Variants in KMT2C observed in about 807,000 individuals in gnomAD.
KMT2C encodes the protein lysine methyltransferase 2C.
A neutral mutation model predicts 507.9 loss-of-function variants in KMT2C; 88 were observed. The observed-to-expected ratio is 0.17, with a 90% CI of 0.15 to 0.21. The LOEUF (loss-of-function observed/expected upper bound fraction) is 0.21, where lower values mean the gene tolerates loss of function less well. Among genes scored for constraint, KMT2C ranks in the 10% least tolerant of loss-of-function variants. The pLI, the probability that KMT2C is intolerant of heterozygous loss-of-function variation, is 1.00. For missense variants in KMT2C, 4,954 were observed against 5,957.8 expected, an observed-to-expected ratio of 0.83 and a Z score of 5.55; for synonymous variants, 2,049 against 2,080.8, an observed-to-expected ratio of 0.98 and a Z score of 0.42.
intron 27 of KMT2C, among the ~76,000 whole-genome samples, chr7:152,197,798 G>C (rs2094009366): frequency 6.6e-6 from 1 of 151,978 alleles, no homozygotes; most frequent in Admixed American, 6.6e-5. Context: ...CCATTATAAA[G>C]TGAAAAGAGT....
intron 16 of KMT2C, among the ~76,000 whole-genome samples, chr7:152,233,395 G>C (rs914382166): frequency 6.6e-6 from 1 of 152,174 alleles, no homozygotes; most frequent in African/African-American, 2.4e-5. Flanking sequence ...AAGGAGAATA[G>C]AAAGTTCTGA....
intron 9 of KMT2C, among the ~76,000 whole-genome samples, chr7:152,261,717 G>A (rs2095782553): frequency 6.6e-6 from 1 of 152,132 alleles, no homozygotes; most frequent in Non-Finnish European, 1.5e-5. Context: ...CTTAGGAAAG[G>A]AAAGAAAATG....
At chr7:152,262,874 T>C (rs1179453062) in intron 9 of KMT2C, 142 bp downstream of exon 9, 2 of 614,872 alleles carry the variant, frequency 3.3e-6, no homozygotes, top group South Asian at 2.2e-5. Context: ...GTACAGTTTA[T>C]TATATGTCAG....
intron 1 of KMT2C, among the ~76,000 whole-genome samples, chr7:152,421,908 A>G (rs887871978): frequency 6.6e-6 from 1 of 152,220 alleles, no homozygotes; most frequent in Non-Finnish European, 1.5e-5. Context: ...GAAGGAAAAA[A>G]AACAAGTGGG....
rs750321720 is a variant in KMT2C at position 152,330,592 on chromosome 7, T to C, written c.389+9A>G. Reference sequence around the variant, plus strand: ...CTAATATCCAATCCAGCTGCATTCATTCTCTAACCTGATTTTGGCTTCTAC... The same window carrying C: ...CTAATATCCAATCCAGCTGCATTCACTCTCTAACCTGATTTTGGCTTCTAC... On this transcript the variant is annotated intron_variant, in intron 3 of 58. Coordinates refer to ENST00000262189, the MANE Select transcript of KMT2C (RefSeq NM_170606.3). 6.2e-7 allele frequency: 1 copy of C among 1,613,462 alleles called. No individual in the cohort carries two copies. The highest frequency in any genetic ancestry group is 1.1e-5 in the South Asian group (1 of 91,060).
intron 6 of KMT2C, among the ~76,000 whole-genome samples, chr7:152,293,966 C>T (rs762819518): frequency 9.2e-5 from 14 of 152,016 alleles, no homozygotes; most frequent in Non-Finnish European, 1.6e-4. Context: ...CAAGCCATCC[C>T]TCCCACCTCA....
intron 1 of KMT2C, among the ~76,000 whole-genome samples, chr7:152,361,096 C>A (rs2097193377): frequency 6.6e-6 from 1 of 151,720 alleles, no homozygotes; most frequent in South Asian, 2.1e-4. Flanking sequence ...GTCAAGCAGT[C>A]AAAATAGCAT....
At chr7:152,164,532 G>T (rs1209115694) in intron 42 of KMT2C, among the ~76,000 whole-genome samples, 1 of 151,758 alleles carries the variant, frequency 6.6e-6, no homozygotes, top group Non-Finnish European at 1.5e-5. Context: ...CTCGTGATCC[G>T]CCCGCCTCGG....
At chr7:152,263,491 C>T (rs185897825) in intron 8 of KMT2C, among the ~76,000 whole-genome samples, 38 of 152,222 alleles carry the variant, frequency 2.5e-4, no homozygotes, top group African/African-American at 8.4e-4. Context: ...CTTGGCACAG[C>T]GAATTGAAAA....
chr7:152,236,141 C>T (rs1384256636), intron 15 of KMT2C, among the ~76,000 whole-genome samples: 2 of 152,294 alleles, frequency 1.3e-5, no homozygotes, highest in Non-Finnish European at 2.9e-5. Context: ...ACCTTAGAAT[C>T]ATACCTTAGG....
At chr7:152,432,805 TG>T (rs578169652) in intron 1 of KMT2C, among the ~76,000 whole-genome samples, 9 of 152,212 alleles carry the variant, frequency 5.9e-5, no homozygotes, top group Non-Finnish European at 1.0e-4. Context: ...TGGTGGTGCA[TG>T]TTTTTTTAAG....
chr7:152,268,215 G>A (rs1216637438), intron 7 of KMT2C, among the ~76,000 whole-genome samples: 2 of 152,126 alleles, frequency 1.3e-5, no homozygotes, highest in South Asian at 4.1e-4. Context: ...GGAGGTGGAG[G>A]CTGCTGTGAC....
rs2094735584 is a variant in KMT2C at position 152,220,633 on chromosome 7, T to G, written c.3602A>C (p.Lys1201Thr). ...TATAATCTTCAATTTCAATTTTGGT[T>G]TTGACCGTTTTCTTCTTGGAACTGT... ...TVTVPRRKRS[K>T]PKLKLKIINQ... is the part of the protein sequence containing the mutation. Residue 1201 changes from lysine (K) to threonine (T), a missense_variant, in exon 23 of 59, where the codon AAA becomes ACA. By Grantham distance (78) the Lys-to-Thr change is moderately conservative (BLOSUM62 -1). Around this residue, in one of 29 missense-constraint regions of KMT2C, gnomAD observed 176 missense variants for 262.0 expected, o/e 0.67. Transcript: ENST00000262189. 1 of 1,611,856 alleles carries G rather than the reference T, an allele frequency of 6.2e-7. No homozygotes were observed. Among genetic ancestry groups the G allele is most frequent in the Non-Finnish European group, 8.5e-7 (1 of 1,179,836 alleles).
intron 1 of KMT2C, among the ~76,000 whole-genome samples, chr7:152,363,035 A>AAG: frequency 1.3e-5 from 2 of 152,258 alleles, no homozygotes; most frequent in Admixed American, 1.3e-4. Flanking sequence ...GACTTTTCTG[A>AAG]CTAATCAAAC....
intron 23 of KMT2C, among the ~76,000 whole-genome samples, chr7:152,214,676 A>T (rs921827896): frequency 6.6e-6 from 1 of 152,238 alleles, no homozygotes; most frequent in African/African-American, 2.4e-5. Flanking sequence ...GGAGGAAAGT[A>T]TACTAAATAA....
chr7:152,198,261 A>G (rs553695259), intron 27 of KMT2C, among the ~76,000 whole-genome samples: 21 of 152,364 alleles, frequency 1.4e-4, no homozygotes, highest in African/African-American at 5.0e-4. Flanking sequence ...GGACATGCAC[A>G]TGTGTCCAAC....
intron 1 of KMT2C, among the ~76,000 whole-genome samples, chr7:152,375,583 A>C (rs1209557407): frequency 6.6e-6 from 1 of 151,130 alleles, no homozygotes; most frequent in East Asian, 2.0e-4. Flanking sequence ...ACAGGGTTTC[A>C]CCATGCTGGC....
intron 52 of KMT2C, among the ~76,000 whole-genome samples, chr7:152,147,812 A>G (rs557641192): frequency 7.7e-4 from 117 of 152,232 alleles, no homozygotes; most frequent in African/African-American, 2.8e-3. Flanking sequence ...TACCTCACCA[A>G]CTCGTATGTT....
intron 6 of KMT2C, among the ~76,000 whole-genome samples, chr7:152,308,816 A>ACC (rs1427155418): frequency 6.6e-6 from 1 of 151,918 alleles, no homozygotes. Context: ...ACATGGTGAG[A>ACC]CCCCATCTCT....
Sources: allele counts gnomAD v4.1 joint callset (sites outside exome capture counted in the v4.1 genomes callset), GRCh38; gene constraint gnomAD v4.1.1; regional missense constraint gnomAD v4.1.1; transcripts MANE v1.5; gene names NCBI Gene and HGNC (gene_info 2026-07-23, HGNC 2026-07-21).